The following EXOC6 variants were observed in gnomAD, a reference collection of about 807,000 sequenced individuals.
EXOC6 encodes SEC15-like 1.
In EXOC6, 60 loss-of-function variants were observed where a neutral mutation model predicts 112.5. That is an observed-to-expected ratio of 0.53 (90% confidence interval 0.43 to 0.66). The LOEUF is 0.66. EXOC6 is among the 30% of genes least tolerant of loss of function. The pLI is 0.00. For missense variants in EXOC6, 855 were observed against 957.1 expected (o/e 0.89, Z 1.41); for synonymous variants, 295 against 308.0 (o/e 0.96, Z 0.44).
chr10:92,922,317 T>C (rs776182596), intron 8 of EXOC6, among the ~76,000 whole-genome samples: 22 of 152,216 alleles, frequency 1.4e-4, no homozygotes, highest in Non-Finnish European at 3.1e-4. Flanking sequence ...TTCCCAGCAT[T>C]ATAGCATTGG....
At chr10:92,919,875 TG>T (rs1259357688) in intron 7 of EXOC6, 106 bp from the exon 8 acceptor site, 1 of 621,496 alleles carries the variant, frequency 1.6e-6, no homozygotes. Flanking sequence ...GAATAAATGT[TG>T]TAACACAAAG....
At chr10:93,012,426 CA>C (rs767598670) in intron 19 of EXOC6, among the ~76,000 whole-genome samples, 50 of 152,180 alleles carry the variant, frequency 3.3e-4, no homozygotes, top group Non-Finnish European at 5.7e-4. Flanking sequence ...CTTTATAGAA[CA>C]AAATGTATTC....
intron 17 of EXOC6, among the ~76,000 whole-genome samples, chr10:92,972,734 C>T (rs923162920): frequency 2.0e-5 from 3 of 152,160 alleles, no homozygotes; most frequent in Non-Finnish European, 4.4e-5. Context: ...GCAGCTATTT[C>T]AACAGTTTCC....
At chr10:92,848,469 C>G (rs1010531257), upstream of EXOC6, 4 of 1,202,866 alleles carry the variant, frequency 3.3e-6, no homozygotes, top group African/African-American at 4.9e-5. Flanking sequence ...GCTCGCGCCA[C>G]TTGGAGCTCG....
At chr10:93,042,179 A>C (rs1425246919) in intron 20 of EXOC6, among the ~76,000 whole-genome samples, 6 of 152,162 alleles carry the variant, frequency 3.9e-5, no homozygotes, top group African/African-American at 1.4e-4. Context: ...CCATAAGCAT[A>C]ACTGTTTCTT....
At chr10:92,918,411 C>T (rs1851234152) in intron 7 of EXOC6, among the ~76,000 whole-genome samples, 2 of 138,458 alleles carry the variant, frequency 1.4e-5, no homozygotes, top group South Asian at 5.2e-4. Context: ...TTACTATGTG[C>T]ATTTCTTTTT....
At chr10:92,935,104 A>G (rs1046519939) in intron 11 of EXOC6, among the ~76,000 whole-genome samples, 9 of 150,716 alleles carry the variant, frequency 6.0e-5, no homozygotes, top group African/African-American at 9.9e-5. Flanking sequence ...TTAAAAATTG[A>G]AGAAAGTTTG....
At chr10:92,970,094 C>T (rs1326841642) in intron 17 of EXOC6, among the ~76,000 whole-genome samples, 1 of 152,070 alleles carries the variant, frequency 6.6e-6, no homozygotes, top group African/African-American at 2.4e-5. Flanking sequence ...TTAACAAGTG[C>T]TCATCTACTG....
rs1164711797 is a variant in EXOC6 at position 93,057,044 on chromosome 10, T to A, written c.2282+8T>A. ...CCTTACTCTTTTGGAGAAGTGAGTA[T>A]ATTCTGAAACTTTTTTGTATAACAT... On this transcript the variant is annotated splice_region_variant and intron_variant, in intron 21 of 21. Transcript: ENST00000260762. The A allele has an allele frequency of 7.4e-7, 1 of 1,356,650 alleles. No homozygotes were observed. The highest frequency in any genetic ancestry group is 2.8e-5 in the East Asian group (1 of 36,100). The allele number at this position is 1,356,650 out of a possible 1,614,324, so 84.0% of individuals were successfully genotyped here.
chr10:92,836,309 G>C (rs751447627), intron 1 of EXOC6, among the ~76,000 whole-genome samples: 4 of 152,098 alleles, frequency 2.6e-5, no homozygotes, highest in Admixed American at 6.5e-5. Flanking sequence ...TTCCTTTCTT[G>C]GTGCTTGGAT....
At chr10:92,845,834 A>G (rs556409832), upstream of EXOC6, among the ~76,000 whole-genome samples, 26 of 152,096 alleles carry the variant, frequency 1.7e-4, no homozygotes, top group South Asian at 1.5e-3. Flanking sequence ...GCTACTCCGG[A>G]GGCTGAGGCA....
At chr10:92,975,922 G>A (rs1483383362) in intron 18 of EXOC6, among the ~76,000 whole-genome samples, 3 of 140,036 alleles carry the variant, frequency 2.1e-5, no homozygotes, top group African/African-American at 8.0e-5. Flanking sequence ...GGGAGGTGGG[G>A]GGGTCAGCCC....
chr10:92,842,321 T>G (rs2246701), intron 1 of EXOC6, among the ~76,000 whole-genome samples: 31,318 of 144,270 alleles, frequency 0.22, 4,502 homozygotes, highest in Non-Finnish European at 0.31. Flanking sequence ...ATCACACCAT[T>G]GCACTCCAGC....
chr10:93,037,938 G>A (rs1003926749), intron 20 of EXOC6, among the ~76,000 whole-genome samples: 56 of 150,514 alleles, frequency 3.7e-4, no homozygotes, highest in African/African-American at 1.3e-3. Flanking sequence ...TGCTCGGAAG[G>A]TGGAGGCAGG....
intron 5 of EXOC6, among the ~76,000 whole-genome samples, chr10:92,903,987 T>G (rs909167652): frequency 1.3e-4 from 20 of 152,098 alleles, no homozygotes; most frequent in Non-Finnish European, 2.4e-4. Flanking sequence ...CCGTACCAAT[T>G]ACTGAACTTT....
chr10:92,929,656 T>C (rs1589850871), intron 9 of EXOC6, among the ~76,000 whole-genome samples: 1 of 152,160 alleles, frequency 6.6e-6, no homozygotes, highest in Non-Finnish European at 1.5e-5. Flanking sequence ...AATGACCAAA[T>C]AGATGTGAAG....
intron 17 of EXOC6, among the ~76,000 whole-genome samples, chr10:92,970,052 T>G (rs1295477404): frequency 4.6e-5 from 7 of 152,150 alleles, no homozygotes; most frequent in African/African-American, 1.7e-4. Flanking sequence ...TTATAAACTT[T>G]TTTCAAGACA....
At chr10:92,982,145 G>T (rs879395602) in intron 18 of EXOC6, among the ~76,000 whole-genome samples, 6 of 151,956 alleles carry the variant, frequency 3.9e-5, no homozygotes, top group Non-Finnish European at 5.9e-5. Context: ...AACCAGACAT[G>T]ATCTTTAGTA....
chr10:92,956,801 A>G (rs112088528), intron 17 of EXOC6, among the ~76,000 whole-genome samples: 2 of 152,258 alleles, frequency 1.3e-5, no homozygotes, highest in African/African-American at 4.8e-5. Flanking sequence ...CTGAAGTTAG[A>G]TTGCTCTGTG....
Sources: gnomAD v4.1 joint callset for allele counts (sites outside exome capture counted in the v4.1 genomes callset) on GRCh38, gnomAD v4.1.1 for gene constraint, MANE v1.5 for transcripts, NCBI Gene and HGNC (gene_info 2026-07-23, HGNC 2026-07-21) for gene names.